Variants in NEDD4 observed in about 807,000 individuals in gnomAD.
The protein encoded by NEDD4 is E3 ubiquitin-protein ligase NEDD4.
A neutral mutation model predicts 144.9 loss-of-function variants in NEDD4; 99 were observed. The observed-to-expected ratio is 0.68, with a 90% CI of 0.58 to 0.81. NEDD4 has a LOEUF of 0.81. Among genes scored for constraint, NEDD4 ranks in the 30% least tolerant of loss-of-function variants. NEDD4 has a pLI of 0.00. For synonymous variants in NEDD4, 318 were observed against 350.6 expected (o/e 0.91, Z 1.04); for missense variants, 985 against 1,065.9 (o/e 0.92, Z 1.06).
intron 5 of NEDD4, among the ~76,000 whole-genome samples, chr15:55,874,991 G>A (rs8043467): frequency 0.88 from 133,741 of 151,310 alleles, 59,225 homozygotes; most frequent in East Asian, 0.96. Context: ...AAAAAAAAAG[G>A]AAATCAACTC....
chr15:55,990,879 C>A (rs1401475013), intron 1 of NEDD4, among the ~76,000 whole-genome samples: 4 of 152,208 alleles, frequency 2.6e-5, no homozygotes, highest in Non-Finnish European at 5.9e-5. Context: ...ACTACACTTC[C>A]TCCTTTGTTT....
intron 1 of NEDD4, among the ~76,000 whole-genome samples, chr15:55,982,201 G>A (rs969505414): frequency 6.6e-6 from 1 of 152,142 alleles, no homozygotes; most frequent in African/African-American, 2.4e-5. Flanking sequence ...ATCGTGTTGG[G>A]AGACTGTTAG....
Position 55,993,589 on chromosome 15 carries a change from C to T in NEDD4, c.-34G>A. The T allele has an allele frequency of 1.9e-6, 3 of 1,587,678 alleles. No homozygotes were observed. Among genetic ancestry groups the T allele is most frequent in the Non-Finnish European group, 2.6e-6 (3 of 1,170,066 alleles). On this transcript the variant is annotated 5_prime_UTR_variant, in exon 1 of 29. Transcript: ENST00000435532. Reference sequence around the variant, plus strand: ...GCTTCCAGCAAACCGGACGCGCTCGCCCCCGCCCAGGGCAGGCAACTGTGG... The same window carrying T: ...GCTTCCAGCAAACCGGACGCGCTCGTCCCCGCCCAGGGCAGGCAACTGTGG...
At chr15:55,890,686 G>C (rs1262094145) in intron 5 of NEDD4, among the ~76,000 whole-genome samples, 1 of 152,048 alleles carries the variant, frequency 6.6e-6, no homozygotes, top group African/African-American at 2.4e-5. Context: ...ATTTCTCTTG[G>C]ATATATACTC....
At chr15:55,920,511 AC>A (rs2036550165) in intron 5 of NEDD4, among the ~76,000 whole-genome samples, 1 of 152,218 alleles carries the variant, frequency 6.6e-6, no homozygotes, top group South Asian at 2.1e-4. Flanking sequence ...CCATAATGAA[AC>A]GACAATATTT....
chr15:55,915,919 C>T, intron 5 of NEDD4: 2 of 1,613,926 alleles, frequency 1.2e-6, no homozygotes, highest in South Asian at 2.2e-5. Context: ...TGTGCAATTT[C>T]ACTAGGAGAA....
At chr15:55,923,129 A>G (rs1393850891) in intron 5 of NEDD4, among the ~76,000 whole-genome samples, 2 of 152,122 alleles carry the variant, frequency 1.3e-5, no homozygotes, top group African/African-American at 2.4e-5. Flanking sequence ...GGTTGCAGTG[A>G]GCTGAGACTG....
At chr15:55,840,013 TATATATATATATATATATATATATATATA>T (rs2033424035) in intron 21 of NEDD4, among the ~76,000 whole-genome samples, 7 of 24,408 alleles carry the variant, frequency 2.9e-4, no homozygotes, top group Admixed American at 2.7e-3. Context: ...TATATATATA[TATATATATATATATATATATATATATATA>T]ACATTCATCA....
rs529904268 is a variant in NEDD4, at chr15:55,855,194, T to A, written c.1026+937A>T. ...TAGTGCAGGGTGTTATTTAGACAGA[T>A]AACCCACTCATGGGATGAGGATTTT... On this transcript the variant is annotated intron_variant, in intron 12 of 28. Coordinates refer to ENST00000435532, the MANE Select transcript of NEDD4 (RefSeq NM_006154.4). 9.6e-4 allele frequency among the ~76,000 whole-genome samples: 146 copies of A among 152,336 alleles called. 1 individual carries two copies. The highest frequency in any genetic ancestry group is 3.3e-3 in the African/African-American group (137 of 41,574).
intron 24 of NEDD4, among the ~76,000 whole-genome samples, chr15:55,837,432 CAAA>C (rs66970830): frequency 3.6e-4 from 45 of 126,222 alleles, no homozygotes; most frequent in Non-Finnish European, 4.6e-4. Context: ...ACTCCGCGCT[CAAA>C]AAAAAAAAAA....
chr15:55,859,204 C>A (rs1165172172), intron 11 of NEDD4, among the ~76,000 whole-genome samples: 3 of 152,148 alleles, frequency 2.0e-5, no homozygotes, highest in Non-Finnish European at 4.4e-5. Flanking sequence ...ACTCAATCTC[C>A]CTTGATGATA....
intron 17 of NEDD4, 111 bp from the exon 18 acceptor site, chr15:55,847,145 G>C: frequency 5.5e-6 from 3 of 541,478 alleles, no homozygotes; most frequent in Non-Finnish European, 9.7e-6. Context: ...AAAATATTTG[G>C]AAAGAAAAGT....
Position 55,856,145 on chromosome 15 carries a change from G to C in NEDD4, c.1012C>G (p.Pro338Ala), listed in dbSNP as rs571974262. The change falls in exon 12 of 29, where the codon CCT (proline) becomes GCT (alanine). Residue 338 changes from proline to alanine, a missense_variant. By Grantham distance (27) the Pro-to-Ala change is conservative. Coordinates refer to ENST00000435532, the MANE Select transcript of NEDD4 (RefSeq NM_006154.4). ...SLQAYTFEEQPTLPVLLPTSS... is the reference protein window; with the variant it reads ...SLQAYTFEEQATLPVLLPTSS... ...GTAAAACTCACCACAGGAAGTGTAG[G>C]TTGTTCCTCAAAAGTATAGGCTTGT... 6.2e-7 allele frequency: 1 copy of C among 1,612,916 alleles called. No homozygotes were observed. The highest frequency in any genetic ancestry group is 8.5e-7 in the Non-Finnish European group (1 of 1,179,316).
At chr15:55,957,090 C>T (rs6493827) in intron 2 of NEDD4, among the ~76,000 whole-genome samples, 117,966 of 152,066 alleles carry the variant, frequency 0.78, 45,976 homozygotes, top group African/African-American at 0.84. Context: ...TTCCAATGGC[C>T]CAATGATAGG....
chr15:55,985,056 A>T (rs2037867732), intron 1 of NEDD4, among the ~76,000 whole-genome samples: 1 of 152,222 alleles, frequency 6.6e-6, no homozygotes. Flanking sequence ...CTGATGTTTA[A>T]TTATGCAAGA....
intron 5 of NEDD4, among the ~76,000 whole-genome samples, chr15:55,886,589 C>A (rs2035397518): frequency 6.6e-6 from 1 of 151,900 alleles, no homozygotes; most frequent in Non-Finnish European, 1.5e-5. Context: ...ATGGTGAAAC[C>A]CCATCTCTAC....
rs762813565 is a variant in NEDD4, at chr15:55,838,144, T to C, written c.2164A>G (p.Ile722Val). ...QHELKNGGSE[I>V]VVTNKNKKEY... ...TTTTTGTTCTTATTGGTGACAACTA[T>C]TTCTGATCCACCATTTTTCAGCTCA... Residue 722 changes from isoleucine (I) to valine (V), a missense_variant, in exon 23 of 29, where the codon ATA becomes GTA. Transcript: ENST00000435532. The C allele has an allele frequency of 1.3e-6, 2 of 1,596,100 alleles. No homozygotes were observed. The highest frequency in any genetic ancestry group is 1.7e-6 in the Non-Finnish European group (2 of 1,168,560).
At position 55,863,038 on chromosome 15, in the gene NEDD4, A is replaced by G; in HGVS notation, c.549T>C (p.His183=). 6.2e-7 allele frequency: 1 copy of G among 1,603,798 alleles called. No individual in the cohort carries two copies. The highest frequency in any genetic ancestry group is 8.5e-7 in the Non-Finnish European group (1 of 1,173,164). ...VVLDQPDAAC[H]LQQQQEPSPL... ...GAGAAGGTTCTTGTTGTTGCTGCAA[A>G]TGGCAAGCAGCATCTGGTTGGTCCA... is the stretch of plus-strand genomic sequence containing the variant. Residue 183 remains histidine (H), a synonymous_variant, in exon 9 of 29, where the codon CAT becomes CAC. Transcript: ENST00000435532.
At chr15:55,882,721 C>A (rs549499684) in intron 5 of NEDD4, among the ~76,000 whole-genome samples, 2 of 152,214 alleles carry the variant, frequency 1.3e-5, no homozygotes, top group South Asian at 2.1e-4. Flanking sequence ...CGTGTGCCAC[C>A]CCTACACCAA....
Sources: gnomAD v4.1 joint callset for allele counts (sites outside exome capture counted in the v4.1 genomes callset) on GRCh38, gnomAD v4.1.1 for gene constraint, MANE v1.5 for transcripts, NCBI Gene and HGNC (gene_info 2026-07-23, HGNC 2026-07-21) for gene names.